Variants in LRTM3 observed in about 807,000 individuals in gnomAD.
LRTM3 encodes leucine rich repeat transmembrane protein 3, also known as leucine-rich repeat transmembrane protein 3.
At chr13:102,757,306 CT>C in the LRTM3 span, among the ~76,000 whole-genome samples, 1 of 152,162 alleles carries the variant, frequency 6.6e-6, no homozygotes, top group Non-Finnish European at 1.5e-5. Context: ...GAATAAAGCC[CT>C]TTTATACCTG....
At chr13:102,757,507 C>T in the LRTM3 span, among the ~76,000 whole-genome samples, 2 of 152,200 alleles carry the variant, frequency 1.3e-5, no homozygotes, top group Admixed American at 1.3e-4. Flanking sequence ...TACCTCTTCA[C>T]ATTCATCTTC....
At chr13:102,735,311 T>A in the LRTM3 span, 2 of 1,551,304 alleles carry the variant, frequency 1.3e-6, no homozygotes, top group Non-Finnish European at 1.7e-6. Flanking sequence ...TTGCTTTACA[T>A]CACTTGAAAG....
At chr13:102,748,073 T>C in the LRTM3 span, 3 of 1,551,200 alleles carry the variant, frequency 1.9e-6, no homozygotes, top group East Asian at 7.3e-5. Context: ...TGATGCTGAA[T>C]GACTGAGCCT....
At chr13:102,742,493 T>C in the LRTM3 span, 3 of 1,550,184 alleles carry the variant, frequency 1.9e-6, no homozygotes, top group Non-Finnish European at 2.6e-6. Flanking sequence ...TTTCTTGTTT[T>C]CAATTTGAAG....
At chr13:102,741,865 G>T in the LRTM3 span, 3 of 1,550,302 alleles carry the variant, frequency 1.9e-6, no homozygotes, top group Admixed American at 2.0e-5. Flanking sequence ...TACTGTAATT[G>T]ATTTGTTGTG....
the LRTM3 span, chr13:102,729,642 A>C: frequency 6.4e-7 from 1 of 1,550,400 alleles, no homozygotes; most frequent in Non-Finnish European, 8.7e-7. Flanking sequence ...GCCGGTACAC[A>C]GGCAAAAAAA....
chr13:102,749,844 G>C, the LRTM3 span: 9 of 1,551,354 alleles, frequency 5.8e-6, no homozygotes, highest in East Asian at 2.2e-4. Context: ...CCAACAGAAG[G>C]TTGATTCTGA....
At chr13:102,742,636 A>T in the LRTM3 span, 2 of 1,550,568 alleles carry the variant, frequency 1.3e-6, no homozygotes, top group Non-Finnish European at 1.7e-6. Context: ...GCTCCTTATT[A>T]TTGCTTACAA....
chr13:102,730,444 T>A, the LRTM3 span: 3 of 1,551,236 alleles, frequency 1.9e-6, no homozygotes, highest in African/African-American at 1.4e-5. Context: ...CAGTAGCATT[T>A]CTCTGGGTCC....
At chr13:102,742,895 G>A in the LRTM3 span, 12 of 1,550,638 alleles carry the variant, frequency 7.7e-6, no homozygotes, top group African/African-American at 1.4e-4. Flanking sequence ...ATCATCTGTT[G>A]CCTCACTCAG....
chr13:102,729,722 T>C, the LRTM3 span: 9 of 1,552,054 alleles, frequency 5.8e-6, no homozygotes, highest in South Asian at 1.2e-5. Context: ...TGCTGATTTA[T>C]GTTTGCTTTG....
chr13:102,742,533 C>T, the LRTM3 span: 1 of 1,550,528 alleles, frequency 6.4e-7, no homozygotes, highest in East Asian at 2.4e-5. Flanking sequence ...AAAACAGATT[C>T]TGGATTAAAC....
the LRTM3 span, chr13:102,748,159 G>A: frequency 6.4e-7 from 1 of 1,551,038 alleles, no homozygotes; most frequent in Non-Finnish European, 8.7e-7. Flanking sequence ...AAATGGTAGT[G>A]TAAGTGGCAC....
chr13:102,736,696 C>T, the LRTM3 span: 1 of 1,550,474 alleles, frequency 6.4e-7, no homozygotes. Flanking sequence ...CCTGCAGTTC[C>T]TTTGTTTTTA....
At chr13:102,743,791 C>T in the LRTM3 span, 2 of 1,550,454 alleles carry the variant, frequency 1.3e-6, no homozygotes, top group South Asian at 1.2e-5. Context: ...TTGACGACTT[C>T]TTTTCCTTCA....
At chr13:102,730,560 C>T in the LRTM3 span, 2 of 1,551,880 alleles carry the variant, frequency 1.3e-6, no homozygotes, top group Non-Finnish European at 1.7e-6. Flanking sequence ...ACTTGAGTAT[C>T]TTTCTTCCTC....
the LRTM3 span, among the ~76,000 whole-genome samples, chr13:102,752,280 A>T: frequency 2.0e-5 from 3 of 152,086 alleles, no homozygotes; most frequent in Admixed American, 2.0e-4. Context: ...TCATGCACAC[A>T]TTTCTCCTTT....
chr13:102,758,859 C>A, the LRTM3 span: 3 of 1,550,044 alleles, frequency 1.9e-6, no homozygotes, highest in Non-Finnish European at 2.6e-6. Context: ...TAGAAAGTCC[C>A]ATAATGTCAT....
At chr13:102,740,759 G>T in the LRTM3 span, 5 of 1,548,808 alleles carry the variant, frequency 3.2e-6, no homozygotes, top group Admixed American at 9.8e-5. Context: ...TTCCTTTTCT[G>T]CCTGTCTTGG....
Sources: gnomAD v4.1 joint callset for allele counts (sites outside exome capture counted in the v4.1 genomes callset) on GRCh38, gnomAD v4.1.1 for gene constraint, MANE v1.5 for transcripts, NCBI Gene and HGNC (gene_info 2026-07-23, HGNC 2026-07-21) for gene names.